PALS2: variants seen among roughly 807,000 people sequenced by gnomAD.
The protein encoded by PALS2 is protein PALS2.
PALS2 carries 27 observed loss-of-function variants against 61.6 expected under a neutral mutation model. The observed-to-expected ratio is 0.44, with a 90% CI of 0.32 to 0.60. The LOEUF (loss-of-function observed/expected upper bound fraction) is 0.60, where lower values mean the gene tolerates loss of function less well. Among genes scored for constraint, PALS2 ranks in the 20% least tolerant of loss-of-function variants. The probability of loss-of-function intolerance (pLI) is 0.05; values close to 1 mark genes in which losing one functional copy is unlikely to be tolerated. For missense variants in PALS2, 554 were observed against 639.4 expected, an observed-to-expected ratio of 0.87 and a Z score of 1.44; for synonymous variants, 236 against 218.6, an observed-to-expected ratio of 1.08 and a Z score of -0.70.
rs1783543565 is a variant in PALS2, at chr7:24,596,852, T to C, written c.-3+23259T>C. ...TATACCAGTTAAGAGGCTTTTAAAG[T>C]AGTCTAGGCAAGAGAATATTAGAAA... On this transcript the variant is annotated intron_variant, in intron 1 of 11. Transcript: ENST00000222644. The surrounding 1 kb of genome is among the most constrained non-coding windows in gnomAD (Gnocchi z 4.5). Among the ~76,000 whole-genome samples the C allele has an allele frequency of 6.6e-6, 1 of 152,172 alleles. No homozygotes were observed. The highest frequency in any genetic ancestry group is 1.5e-5 in the Non-Finnish European group (1 of 68,028).
In PALS2 at chr7:24,689,027, T is replaced by C. The variant is rs1002672413; in HGVS notation, c.*1413T>C. 2 of 152,152 alleles carry C rather than the reference T, an allele frequency of 1.3e-5. No individual in the cohort carries two copies. The highest frequency in any genetic ancestry group is 2.4e-5 in the African/African-American group (1 of 41,424). The allele number at this position is 152,152 out of a possible 1,614,324, so 9.4% of individuals were successfully genotyped here. On this transcript the variant is annotated 3_prime_UTR_variant, in exon 12 of 12. Transcript: ENST00000222644. ...TGGGGTTTCACCATGTTGGCCAGGG[T>C]GGTCTCGAGCTCCTGACCTCAAGTG...
chr7:24,687,812 T>C lies in PALS2; in HGVS notation c.*198T>C, dbSNP rs2128038596. 1 of 413,674 alleles carries C rather than the reference T, an allele frequency of 2.4e-6. No individual in the cohort carries two copies. Among genetic ancestry groups the C allele is most frequent in the East Asian group, 4.0e-5 (1 of 25,210 alleles). The allele number at this position is 413,674 out of a possible 1,614,324, so 25.6% of individuals were successfully genotyped here. A position where few individuals can be genotyped will look rare whatever the true frequency, so the allele number is the denominator to read the frequency against. ...GGAAGGTGTACTAATATATAATTTA[T>C]CTTAATTTTTCTAACTTTGTATGGA... On this transcript the variant is annotated 3_prime_UTR_variant, in exon 12 of 12. Transcript: ENST00000222644. The surrounding 1 kb of genome is among the most constrained non-coding windows in gnomAD (Gnocchi z 4.5).
At chr7:24,650,965 A>G (rs568092163) in intron 5 of PALS2, among the ~76,000 whole-genome samples, 1 of 152,326 alleles carries the variant, frequency 6.6e-6, no homozygotes, top group Non-Finnish European at 1.5e-5. Context: ...ACAGCTAGGT[A>G]TCAGAAGAAC....
At chr7:24,629,757 G>A (rs1180477146) in intron 2 of PALS2, among the ~76,000 whole-genome samples, 3 of 152,184 alleles carry the variant, frequency 2.0e-5, no homozygotes, top group Non-Finnish European at 2.9e-5. Context: ...TTAGAGAAAT[G>A]CAAATCAAAA....
At chr7:24,668,802 A>G (rs1410490298) in intron 9 of PALS2, 142 bp downstream of exon 9, 3 of 1,034,598 alleles carry the variant, frequency 2.9e-6, no homozygotes, top group South Asian at 3.1e-5. Context: ...AGTAAAAGAC[A>G]TTGAAAAATT....
At chr7:24,624,831 C>G (rs976448649) in intron 2 of PALS2, among the ~76,000 whole-genome samples, 1 of 152,018 alleles carries the variant, frequency 6.6e-6, no homozygotes, top group Non-Finnish European at 1.5e-5. Context: ...TGGTCTCGAA[C>G]TCCTGACCTC....
At chr7:24,611,825 T>C (rs1445811696) in intron 1 of PALS2, among the ~76,000 whole-genome samples, 5 of 151,946 alleles carry the variant, frequency 3.3e-5, no homozygotes, top group Non-Finnish European at 7.4e-5. Flanking sequence ...TGTTTAAAGC[T>C]GTGGGAGTGG....
chr7:24,580,290 A>T (rs1000824924), intron 1 of PALS2, among the ~76,000 whole-genome samples: 4 of 152,160 alleles, frequency 2.6e-5, no homozygotes, highest in African/African-American at 4.8e-5. Context: ...ACGCTAAAGG[A>T]TTCTAATTTA....
intron 2 of PALS2, among the ~76,000 whole-genome samples, chr7:24,625,146 C>G (rs1018692670): frequency 6.6e-6 from 1 of 151,976 alleles, no homozygotes; most frequent in African/African-American, 2.4e-5. Context: ...AGTAATAGCT[C>G]CAGGGTCTGT....
chr7:24,623,148 A>T (rs1044922887), intron 1 of PALS2, among the ~76,000 whole-genome samples: 1 of 148,286 alleles, frequency 6.7e-6, no homozygotes, highest in East Asian at 1.9e-4. Flanking sequence ...TGGGTTTAGT[A>T]TCAGGGTAAT....
rs566762946 is a variant in PALS2, at chr7:24,606,336, G to A, written c.-2-17330G>A. The stretch of plus-strand genomic sequence containing the variant: ...CTCCAAGACACTGTGGCAATAAATG[G>A]AAATAATTTGTCTTCCACAGTTCTT... On this transcript the variant is annotated intron_variant, in intron 1 of 11. Coordinates refer to ENST00000222644, the MANE Select transcript of PALS2 (RefSeq NM_001303037.2). Among the ~76,000 whole-genome samples, 37 of 152,214 alleles carry A rather than the reference G, an allele frequency of 2.4e-4. 1 individual carries two copies. Among genetic ancestry groups the A allele is most frequent in the Admixed American group, 7.9e-4 (12 of 15,274 alleles).
At chr7:24,648,342 G>A (rs1336259386) in intron 3 of PALS2, among the ~76,000 whole-genome samples, 11 of 147,778 alleles carry the variant, frequency 7.4e-5, no homozygotes, top group Non-Finnish European at 1.6e-4. Flanking sequence ...GCCCAGGCTG[G>A]AGTACAATGG....
At chr7:24,657,084 T>C (rs1027350499) in intron 5 of PALS2, among the ~76,000 whole-genome samples, 1 of 152,246 alleles carries the variant, frequency 6.6e-6, no homozygotes, top group Non-Finnish European at 1.5e-5. Flanking sequence ...TTTCTTTTTA[T>C]TGACAAGTGA....
At chr7:24,637,270 A>G (rs901493599) in intron 2 of PALS2, among the ~76,000 whole-genome samples, 3 of 140,600 alleles carry the variant, frequency 2.1e-5, no homozygotes, top group African/African-American at 7.8e-5. Context: ...AGAGAATTCC[A>G]TTCTGATTTA....
At chr7:24,676,272 T>A (rs1787588365) in intron 9 of PALS2, among the ~76,000 whole-genome samples, 1 of 151,942 alleles carries the variant, frequency 6.6e-6, no homozygotes, top group South Asian at 2.1e-4. Context: ...ATTCTGGATA[T>A]TAGCCCTTTG....
intron 2 of PALS2, among the ~76,000 whole-genome samples, chr7:24,632,498 C>G (rs371988102): frequency 1.3e-5 from 2 of 152,152 alleles, no homozygotes; most frequent in East Asian, 1.9e-4. Flanking sequence ...TTCCCTGGTT[C>G]AAGCAATTCT....
At chr7:24,629,460 A>G (rs917662031) in intron 2 of PALS2, among the ~76,000 whole-genome samples, 4 of 152,212 alleles carry the variant, frequency 2.6e-5, no homozygotes, top group South Asian at 2.1e-4. Context: ...ACCAAATGCA[A>G]TTGCAACAAA....
At chr7:24,575,979 G>T (rs570032036) in intron 1 of PALS2, among the ~76,000 whole-genome samples, 5 of 151,596 alleles carry the variant, frequency 3.3e-5, no homozygotes, top group African/African-American at 1.2e-4. Flanking sequence ...TTTTAAATCA[G>T]AACTCTACTT....
intron 11 of PALS2, among the ~76,000 whole-genome samples, chr7:24,684,115 G>A (rs1336134960): frequency 1.3e-5 from 2 of 151,840 alleles, no homozygotes; most frequent in Non-Finnish European, 2.9e-5. Context: ...ATCACTATGG[G>A]GTTTTTTTGT....
Sources: allele counts gnomAD v4.1 joint callset (sites outside exome capture counted in the v4.1 genomes callset), GRCh38; gene constraint gnomAD v4.1.1; non-coding constraint Gnocchi (gnomAD v3.1); transcripts MANE v1.5; gene names NCBI Gene and HGNC (gene_info 2026-07-23, HGNC 2026-07-21).